STAT4: variants seen among roughly 807,000 people sequenced by gnomAD.
STAT4 encodes the protein signal transducer and activator of transcription 4.
Under a neutral mutation model 110.5 loss-of-function variants are expected in STAT4, and 42 were observed. The observed-to-expected ratio is 0.38, with a 90% CI of 0.30 to 0.49. The LOEUF is 0.49. Among genes scored for constraint, STAT4 ranks in the 20% least tolerant of loss-of-function variants. The probability of loss-of-function intolerance (pLI) is 0.95; values close to 1 mark genes in which losing one functional copy is unlikely to be tolerated. For missense variants in STAT4, 632 were observed against 887.9 expected (o/e 0.71, Z 3.66); for synonymous variants, 284 against 302.2 (o/e 0.94, Z 0.63).
At chr2:191,081,876 C>A (rs1440053486) in intron 3 of STAT4, among the ~76,000 whole-genome samples, 5 of 152,092 alleles carry the variant, frequency 3.3e-5, no homozygotes, top group Non-Finnish European at 5.9e-5. Flanking sequence ...TCCCTCATCC[C>A]TAGCATTACC....
Position 191,046,975 on chromosome 2 carries a change from G to C in STAT4, c.1252-5827C>G, listed in dbSNP as rs972546507. ...GCTAGGGGAACCAATCATGTGATTAGGAGTTGGAACTTCTACCCCACTCCC... is the reference window on the plus strand; with the variant it reads ...GCTAGGGGAACCAATCATGTGATTACGAGTTGGAACTTCTACCCCACTCCC... On this transcript the variant is annotated intron_variant, in intron 14 of 23. Coordinates refer to ENST00000392320, the MANE Select transcript of STAT4 (RefSeq NM_003151.4). The surrounding 1 kb of genome is among the most constrained non-coding windows in gnomAD (Gnocchi z 4.6). Among the ~76,000 whole-genome samples, 1 of 152,134 alleles carries C rather than the reference G, an allele frequency of 6.6e-6. No individual in the cohort carries two copies. Among genetic ancestry groups the C allele is most frequent in the African/African-American group, 2.4e-5 (1 of 41,438 alleles).
At chr2:191,081,006 G>C (rs1697454533) in intron 3 of STAT4, among the ~76,000 whole-genome samples, 1 of 152,006 alleles carries the variant, frequency 6.6e-6, no homozygotes, top group African/African-American at 2.4e-5. Flanking sequence ...CCCATCCCCT[G>C]ACAGGCCCTG....
At chr2:191,115,316 T>C (rs931167109) in intron 3 of STAT4, among the ~76,000 whole-genome samples, 6 of 152,170 alleles carry the variant, frequency 3.9e-5, no homozygotes, top group Admixed American at 3.9e-4. Flanking sequence ...GTCTGCTTCA[T>C]TGGTGATGAA....
Position 191,038,252 on chromosome 2 carries a change from TG to T in STAT4, c.1434+946del, listed in dbSNP as rs1696097437. 2.0e-5 allele frequency among the ~76,000 whole-genome samples: 3 copies of T among 152,270 alleles called. No individual in the cohort carries two copies. In the East Asian group the frequency reaches 5.8e-4, roughly 29 times the overall value. ...TTTCTCTGGTAAGTTCTGCTCTTTT[TG>T]GGGCACCCTGCACAGTCTTCCTCTC... On this transcript the variant is annotated intron_variant, in intron 16 of 23. Coordinates refer to ENST00000392320, the MANE Select transcript of STAT4 (RefSeq NM_003151.4).
chr2:191,133,589 A>T (rs1699101402), intron 3 of STAT4, among the ~76,000 whole-genome samples: 1 of 151,672 alleles, frequency 6.6e-6, no homozygotes, highest in Non-Finnish European at 1.5e-5. Context: ...TCCAGGCCAT[A>T]GATTTTTTAT....
Position 191,058,803 on chromosome 2 carries a change from T to C in STAT4, c.1035-34A>G. 2.2e-6 allele frequency: 3 copies of C among 1,362,258 alleles called. No individual in the cohort carries two copies. Among genetic ancestry groups the C allele is most frequent in the African/African-American group, 1.5e-5 (1 of 68,532 alleles). The allele number at this position is 1,362,258 out of a possible 1,614,324, so 84.4% of individuals were successfully genotyped here. On this transcript the variant is annotated intron_variant, in intron 10 of 23. Coordinates refer to ENST00000392320, the MANE Select transcript of STAT4 (RefSeq NM_003151.4). This position sits in a 1 kb window ranked among gnomAD's most constrained non-coding sequence, Gnocchi z 4.3. Reference sequence around the variant, plus strand: ...AGATATCAATAAAAAAAATCAAAGATAAAAATTAAAAGTGTTTAAAAACCC... The same window carrying C: ...AGATATCAATAAAAAAAATCAAAGACAAAAATTAAAAGTGTTTAAAAACCC...
In STAT4 at chr2:191,116,268, G is replaced by A. The variant is rs552429008; in HGVS notation, c.273+30345C>T. ...TACAGTGCTTTTACACCTATGATACGACACCACCTTCTCTGCAGAATCATA... is the reference window on the plus strand; with the variant it reads ...TACAGTGCTTTTACACCTATGATACAACACCACCTTCTCTGCAGAATCATA... On this transcript the variant is annotated intron_variant, in intron 3 of 23. Transcript: ENST00000392320. This position sits in a 1 kb window ranked among gnomAD's most constrained non-coding sequence, Gnocchi z 4.1. 1.3e-5 allele frequency among the ~76,000 whole-genome samples: 2 copies of A among 152,110 alleles called. No homozygotes were observed. Among genetic ancestry groups the A allele is most frequent in the African/African-American group, 2.4e-5 (1 of 41,412 alleles).
chr2:191,148,640 C>T (rs889036545), intron 1 of STAT4, among the ~76,000 whole-genome samples: 1 of 152,038 alleles, frequency 6.6e-6, no homozygotes, highest in Non-Finnish European at 1.5e-5. Context: ...AGGAACAACC[C>T]CCCAAGAAGC....
At chr2:191,081,354 C>T (rs1697472929) in intron 3 of STAT4, among the ~76,000 whole-genome samples, 1 of 152,114 alleles carries the variant, frequency 6.6e-6, no homozygotes, top group African/African-American at 2.4e-5. Flanking sequence ...TGGGTATATA[C>T]CCAGTAATGG....
chr2:191,063,569 G>T (rs1039486233), intron 8 of STAT4, among the ~76,000 whole-genome samples: 4 of 152,116 alleles, frequency 2.6e-5, no homozygotes, highest in Non-Finnish European at 5.9e-5. Context: ...AAATGGACAC[G>T]GAAGGGACTT....
rs751245612 is a variant in STAT4, at chr2:191,142,486, G to T, written c.273+4127C>A. On this transcript the variant is annotated intron_variant, in intron 3 of 23. Transcript: ENST00000392320. This position sits in a 1 kb window ranked among gnomAD's most constrained non-coding sequence, Gnocchi z 4.1. Reference sequence around the variant, plus strand: ...GGGTGGATGGAGGGAAATGAAAAGAGCCTGGTTAATGGGTACAAACATACA... The same window carrying T: ...GGGTGGATGGAGGGAAATGAAAAGATCCTGGTTAATGGGTACAAACATACA... 1.3e-5 allele frequency among the ~76,000 whole-genome samples: 2 copies of T among 152,058 alleles called. No homozygotes were observed. The highest frequency in any genetic ancestry group is 2.9e-5 in the Non-Finnish European group (2 of 67,998).
chr2:191,096,675 C>A (rs1423826998), intron 3 of STAT4, among the ~76,000 whole-genome samples: 1 of 152,118 alleles, frequency 6.6e-6, no homozygotes, highest in Non-Finnish European at 1.5e-5. Context: ...ACTAAACGGG[C>A]AAAAACTGGA....
intron 3 of STAT4, among the ~76,000 whole-genome samples, chr2:191,092,854 T>C (rs1697840908): frequency 6.6e-6 from 1 of 152,128 alleles, no homozygotes; most frequent in Non-Finnish European, 1.5e-5. Context: ...AATACTGCAC[T>C]TTTCCAATGG....
intron 3 of STAT4, among the ~76,000 whole-genome samples, chr2:191,108,196 G>A (rs1698332793): frequency 1.3e-5 from 2 of 151,662 alleles, no homozygotes; most frequent in Admixed American, 6.6e-5. Flanking sequence ...GATGTTGAGA[G>A]AGGAGAATCT....
chr2:191,053,708 A>G lies in STAT4; in HGVS notation c.1251+782T>C, dbSNP rs1378886204. Among the ~76,000 whole-genome samples, 1 of 152,240 alleles carries G rather than the reference A, an allele frequency of 6.6e-6. No individual in the cohort carries two copies. Among genetic ancestry groups the G allele is most frequent in the Non-Finnish European group, 1.5e-5 (1 of 68,040 alleles). On this transcript the variant is annotated intron_variant, in intron 14 of 23. Transcript: ENST00000392320. This position sits in a 1 kb window ranked among gnomAD's most constrained non-coding sequence, Gnocchi z 4.5. ...ATATATGTGAGAAAATGAGTGAACA[A>G]AAATGAAGAATGACAAAGATATTTC...
intron 1 of STAT4, among the ~76,000 whole-genome samples, chr2:191,148,785 G>A (rs1221894013): frequency 4.6e-5 from 7 of 151,960 alleles, no homozygotes; most frequent in Admixed American, 1.3e-4. Flanking sequence ...ATGCATTTTC[G>A]TAGGCTCCAG....
At chr2:191,075,691 T>G (rs188096837) in intron 4 of STAT4, among the ~76,000 whole-genome samples, 59 of 152,244 alleles carry the variant, frequency 3.9e-4, no homozygotes, top group African/African-American at 1.4e-3. Flanking sequence ...GACATGGTAA[T>G]TGTCTTAGCA....
At chr2:191,092,032 G>C (rs573530852) in intron 3 of STAT4, among the ~76,000 whole-genome samples, 1 of 152,154 alleles carries the variant, frequency 6.6e-6, no homozygotes, top group African/African-American at 2.4e-5. Flanking sequence ...TTTCAGTTCA[G>C]TAAAAAAGTG....
Position 191,042,633 on chromosome 2 carries a change from G to A in STAT4, c.1252-1485C>T, listed in dbSNP as rs988827754. 6.6e-6 allele frequency among the ~76,000 whole-genome samples: 1 copy of A among 152,206 alleles called. No individual in the cohort carries two copies. The highest frequency in any genetic ancestry group is 1.5e-5 in the Non-Finnish European group (1 of 68,036). ...TTATATTCTAAAGATACCTGCTGAAGTATCTATATTATACTGTACTATCTA... is the reference window on the plus strand; with the variant it reads ...TTATATTCTAAAGATACCTGCTGAAATATCTATATTATACTGTACTATCTA... On this transcript the variant is annotated intron_variant, in intron 14 of 23. Coordinates refer to ENST00000392320, the MANE Select transcript of STAT4 (RefSeq NM_003151.4). The surrounding 1 kb of genome is among the most constrained non-coding windows in gnomAD (Gnocchi z 4.2).
Sources: allele counts gnomAD v4.1 joint callset (sites outside exome capture counted in the v4.1 genomes callset), GRCh38; gene constraint gnomAD v4.1.1; non-coding constraint Gnocchi (gnomAD v3.1); transcripts MANE v1.5; gene names NCBI Gene and HGNC (gene_info 2026-07-23, HGNC 2026-07-21).